Variants in ECE1 observed in about 807,000 individuals in gnomAD.
ECE1 encodes the protein endothelin converting enzyme 1, also known as endothelin-converting enzyme 1.
In ECE1, 35 loss-of-function variants were observed where a neutral mutation model predicts 98.6. That is an observed-to-expected ratio of 0.35 (90% CI 0.27 to 0.47). The LOEUF is 0.47. Among genes scored for constraint, ECE1 ranks in the 20% least tolerant of loss-of-function variants. ECE1 has a pLI of 1.00. For synonymous variants in ECE1, 394 were observed against 407.1 expected, an observed-to-expected ratio of 0.97 and a Z score of 0.39; for missense variants, 814 against 1,025.3, an observed-to-expected ratio of 0.79 and a Z score of 2.81.
chr1:21,321,445 G>A (rs1336256912), intron 1 of ECE1, among the ~76,000 whole-genome samples: 4 of 152,210 alleles, frequency 2.6e-5, no homozygotes, highest in Admixed American at 6.5e-5. Context: ...GGTCTGTTGG[G>A]GACCTAGGCC....
chr1:21,233,391 T>G lies in ECE1; in HGVS notation c.1670+167A>C. 1 of 597,808 alleles carries G rather than the reference T, an allele frequency of 1.7e-6. No homozygotes were observed. The highest frequency in any genetic ancestry group is 2.9e-6 in the Non-Finnish European group (1 of 341,852). The allele number at this position is 597,808 out of a possible 1,614,324, so 37.0% of individuals were successfully genotyped here. On this transcript the variant is annotated intron_variant, in intron 14 of 18. Transcript: ENST00000374893. The surrounding 1 kb of genome is among the most constrained non-coding windows in gnomAD (Gnocchi z 4.0). ...AGCTGGGCCATACTTCTTTTGCCCT[T>G]GGTTTCTTCATCTGAAAAGTGGGAT...
rs1327752256 is a variant in ECE1, at chr1:21,228,838, G to A, written c.1671-797C>T. ...AAGATTTTGAAAAGTCACCACTGAA[G>A]AGTATCTTTTTTTTTTTTTTTGAGA... On this transcript the variant is annotated intron_variant, in intron 14 of 18. Coordinates refer to ENST00000374893, the MANE Select transcript of ECE1 (RefSeq NM_001397.3). Among the ~76,000 whole-genome samples, 4 of 130,452 alleles carry A rather than the reference G, an allele frequency of 3.1e-5. No homozygotes were observed. The Admixed American group carries it at 3.6e-4, about 12-fold the overall frequency. The allele number at this position is 130,452 out of a possible 152,430, so 85.6% of individuals were successfully genotyped here. A position where few individuals can be genotyped will look rare whatever the true frequency, so the allele number is the denominator to read the frequency against.
At chr1:21,237,863 G>C (rs564768814) in intron 11 of ECE1, among the ~76,000 whole-genome samples, 1 of 152,258 alleles carries the variant, frequency 6.6e-6, no homozygotes, top group Non-Finnish European at 1.5e-5. Flanking sequence ...CACAGCCCTT[G>C]GAGGTGGGGA....
In ECE1 at chr1:21,290,056, C is replaced by T. The variant is rs770072843; in HGVS notation, c.138+14G>A. 7 of 1,428,080 alleles carry T rather than the reference C, an allele frequency of 4.9e-6. No homozygotes were observed. Among genetic ancestry groups the T allele is most frequent in the Middle Eastern group, 2.0e-4 (1 of 5,114 alleles). The allele number at this position is 1,428,080 out of a possible 1,614,324, so 88.5% of individuals were successfully genotyped here. A position where few individuals can be genotyped will look rare whatever the true frequency, so the allele number is the denominator to read the frequency against. ...GGGGCGCCTGGACCTCGGGAGGGAG[C>T]GGAGGGCGCCTACCTGCAGGCCGTT... On this transcript the variant is annotated intron_variant, in intron 2 of 18. Transcript: ENST00000374893. This position sits in a 1 kb window ranked among gnomAD's most constrained non-coding sequence, Gnocchi z 7.3.
chr1:21,243,798 C>T (rs542955047), intron 10 of ECE1, among the ~76,000 whole-genome samples: 30 of 152,372 alleles, frequency 2.0e-4, no homozygotes, highest in African/African-American at 7.2e-4. Flanking sequence ...GTTGGCCAGG[C>T]AGGGCAGCCA....
In ECE1 at chr1:21,244,982, G is replaced by A. The variant is rs28368004; in HGVS notation, c.1278+7C>T. ...CCATATTCAGGCATACGCAGTAGCAGGCTCACCTTCTTGGTCCCGTACATG... is the reference window on the plus strand; with the variant it reads ...CCATATTCAGGCATACGCAGTAGCAAGCTCACCTTCTTGGTCCCGTACATG... On this transcript the variant is annotated splice_region_variant and intron_variant, in intron 10 of 18. Transcript: ENST00000374893. 0.031 allele frequency: 49,285 copies of A among 1,612,874 alleles called. 966 individuals are homozygous for A. Among genetic ancestry groups the A allele is most frequent in the Non-Finnish European group, 0.035 (41,401 of 1,178,866 alleles).
intron 8 of ECE1, among the ~76,000 whole-genome samples, chr1:21,249,204 G>A (rs1239001220): frequency 1.3e-5 from 2 of 151,828 alleles, no homozygotes; most frequent in Non-Finnish European, 1.5e-5. Context: ...TTAGCTGGGC[G>A]TGGTGGTACA....
chr1:21,296,477 C>T lies in ECE1; in HGVS notation c.4-6321G>A, dbSNP rs543907751. Among the ~76,000 whole-genome samples the T allele has an allele frequency of 1.4e-4, 21 of 152,254 alleles. 1 individual carries two copies. The South Asian group carries it at 4.2e-3, about 30-fold the overall frequency. ...ACAGTGAGCTGAGATCACGCCACTG[C>T]ACTCTAGCTTGGGTGACAGAGCAAG... On this transcript the variant is annotated intron_variant, in intron 1 of 18. Transcript: ENST00000415912.
intron 14 of ECE1, among the ~76,000 whole-genome samples, chr1:21,230,394 T>G (rs9426666): frequency 0.11 from 17,303 of 152,066 alleles, 3,255 homozygotes; most frequent in African/African-American, 0.39. Context: ...CTCTTTTTTT[T>G]GAAACAAAGT....
At chr1:21,326,139 C>G (rs1639074775) in intron 1 of ECE1, among the ~76,000 whole-genome samples, 1 of 152,112 alleles carries the variant, frequency 6.6e-6, no homozygotes, top group African/African-American at 2.4e-5. Context: ...TCTGCCGCCC[C>G]ACGTTCTCAG....
intron 3 of ECE1, among the ~76,000 whole-genome samples, chr1:21,273,170 T>C (rs1029633264): frequency 6.6e-6 from 1 of 152,264 alleles, no homozygotes; most frequent in African/African-American, 2.4e-5. Context: ...AACCTTCTCC[T>C]CCATAAATAT....
intron 3 of ECE1, among the ~76,000 whole-genome samples, chr1:21,278,524 G>A (rs1043779065): frequency 6.6e-6 from 1 of 152,254 alleles, no homozygotes; most frequent in African/African-American, 2.4e-5. Flanking sequence ...CCAGTAGCCT[G>A]TGGGTGAATT....
chr1:21,223,460 T>A (rs2098169972), intron 17 of ECE1, among the ~76,000 whole-genome samples: 1 of 151,852 alleles, frequency 6.6e-6, no homozygotes, highest in Non-Finnish European at 1.5e-5. Context: ...GGCTATTTTT[T>A]ATATATAAAT....
Position 21,325,684 on chromosome 1 carries a change from C to A in ECE1, c.3+19692G>T, listed in dbSNP as rs213028. On this transcript the variant is annotated intron_variant, in intron 1 of 18. Coordinates refer to the ECE1 transcript ENST00000415912. ...CACAATAGGACCCACTTCCTTGGAGCTGACTGAGGTATGAATTGAGTCAAT... is the reference window on the plus strand; with the variant it reads ...CACAATAGGACCCACTTCCTTGGAGATGACTGAGGTATGAATTGAGTCAAT... Among the ~76,000 whole-genome samples the A allele has an allele frequency of 2.6e-5, 4 of 152,230 alleles. No individual in the cohort carries two copies. In the East Asian group the frequency reaches 5.8e-4, roughly 22 times the overall value.
At chr1:21,339,245 T>C (rs1010840155) in intron 1 of ECE1, among the ~76,000 whole-genome samples, 1 of 152,156 alleles carries the variant, frequency 6.6e-6, no homozygotes, top group Non-Finnish European at 1.5e-5. Flanking sequence ...AAGGTCTAAC[T>C]GTCAAGTGCG....
At chr1:21,276,590 TC>T (rs1202126664) in intron 3 of ECE1, among the ~76,000 whole-genome samples, 1 of 152,228 alleles carries the variant, frequency 6.6e-6, no homozygotes, top group Admixed American at 6.5e-5. Flanking sequence ...CCAGCATGTT[TC>T]TGGAAAGGAA....
Position 21,275,940 on chromosome 1 carries a change from A to C in ECE1, c.281-3029T>G, listed in dbSNP as rs556507974. ...GTTCATTTCTCCTACTAGAATGTGAACTTCAGGGCAGGCCAATATCCTATG... is the reference window on the plus strand; with the variant it reads ...GTTCATTTCTCCTACTAGAATGTGACCTTCAGGGCAGGCCAATATCCTATG... On this transcript the variant is annotated intron_variant, in intron 3 of 18. Transcript: ENST00000374893. Among the ~76,000 whole-genome samples, 7 of 151,202 alleles carry C rather than the reference A, an allele frequency of 4.6e-5. No homozygotes were observed. The South Asian group carries it at 1.5e-3, about 32-fold the overall frequency.
chr1:21,253,683 A>T (rs2098215826), intron 8 of ECE1, among the ~76,000 whole-genome samples: 1 of 150,936 alleles, frequency 6.6e-6, no homozygotes. Context: ...GAATGGCGTG[A>T]ACCCAGGAGG....
intron 17 of ECE1, 34 bp from the exon 18 acceptor site, chr1:21,221,876 C>T (rs756376011): frequency 6.2e-7 from 1 of 1,600,672 alleles, no homozygotes; most frequent in East Asian, 2.2e-5. Context: ...TCAGGGGTTC[C>T]CATGGCAGGT....
Sources: gnomAD v4.1 joint callset for allele counts (sites outside exome capture counted in the v4.1 genomes callset) on GRCh38, gnomAD v4.1.1 for gene constraint, Gnocchi (gnomAD v3.1) non-coding constraint, MANE v1.5 for transcripts, NCBI Gene and HGNC (gene_info 2026-07-23, HGNC 2026-07-21) for gene names.